The following APBB2 variants were observed in gnomAD, a reference collection of about 807,000 sequenced individuals.
APBB2 encodes the protein Fe65-like 1.
In APBB2, 38 loss-of-function variants were observed where a neutral mutation model predicts 82.5. That is an observed-to-expected ratio of 0.46 (90% CI 0.36 to 0.60). The LOEUF is 0.60. Among genes scored for constraint, APBB2 ranks in the 20% least tolerant of loss-of-function variants. The pLI, the probability that APBB2 is intolerant of heterozygous loss-of-function variation, is 0.00. For synonymous variants in APBB2, 341 were observed against 368.2 expected (o/e 0.93, Z 0.85); for missense variants, 772 against 972.3 (o/e 0.79, Z 2.74).
At chr4:41,184,175 G>A (rs1267099364) in intron 1 of APBB2, among the ~76,000 whole-genome samples, 1 of 152,082 alleles carries the variant, frequency 6.6e-6, no homozygotes, top group African/African-American at 2.4e-5. Flanking sequence ...GAGAGCCATG[G>A]GGAGCGGCTG....
At chr4:40,976,855 C>T (rs2154401108) in intron 6 of APBB2, among the ~76,000 whole-genome samples, 1 of 152,170 alleles carries the variant, frequency 6.6e-6, no homozygotes, top group East Asian at 1.9e-4. Context: ...GCCTGAGCAA[C>T]ATGGGCAACA....
intron 10 of APBB2, among the ~76,000 whole-genome samples, chr4:40,927,391 G>A (rs1304194593): frequency 6.6e-6 from 1 of 152,022 alleles, no homozygotes; most frequent in Non-Finnish European, 1.5e-5. Context: ...ATAACTCTAT[G>A]ACTCATTTTT....
At chr4:41,049,289 G>A (rs1325213153) in intron 4 of APBB2, among the ~76,000 whole-genome samples, 2 of 147,346 alleles carry the variant, frequency 1.4e-5, no homozygotes, top group African/African-American at 5.0e-5. Context: ...CGTCGGAGAA[G>A]TGAGGAGCCC....
chr4:41,117,140 C>G (rs190601377), intron 2 of APBB2, among the ~76,000 whole-genome samples: 97 of 152,160 alleles, frequency 6.4e-4, no homozygotes, highest in Admixed American at 5.0e-3. Flanking sequence ...GCTCACATCA[C>G]AGGTATCACA....
intron 5 of APBB2, among the ~76,000 whole-genome samples, chr4:41,028,515 C>T (rs1715403771): frequency 6.6e-6 from 1 of 152,208 alleles, no homozygotes; most frequent in Non-Finnish European, 1.5e-5. Context: ...ACCTGCCCAG[C>T]ATGACTGTAC....
chr4:40,870,212 T>C (rs1009705703), intron 12 of APBB2, among the ~76,000 whole-genome samples: 2 of 152,162 alleles, frequency 1.3e-5, no homozygotes, highest in African/African-American at 2.4e-5. Flanking sequence ...TCCAGGAATC[T>C]CAACAAGCAG....
chr4:41,111,742 G>A (rs1749266910), intron 2 of APBB2, among the ~76,000 whole-genome samples: 1 of 152,140 alleles, frequency 6.6e-6, no homozygotes, highest in Non-Finnish European at 1.5e-5. Flanking sequence ...ATACTTAAAA[G>A]GACTAGCCTT....
At chr4:41,206,282 C>A (rs1002569237) in intron 1 of APBB2, among the ~76,000 whole-genome samples, 2 of 152,192 alleles carry the variant, frequency 1.3e-5, no homozygotes, top group Non-Finnish European at 2.9e-5. Flanking sequence ...ACAGCTCTTG[C>A]CACTCTCGCA....
intron 10 of APBB2, among the ~76,000 whole-genome samples, chr4:40,928,404 A>G (rs1345817752): frequency 1.5e-5 from 1 of 67,780 alleles, no homozygotes; most frequent in Non-Finnish European, 2.9e-5. Flanking sequence ...ACACACACAC[A>G]CACACACACA....
At chr4:41,042,496 C>T (rs1322385712) in intron 4 of APBB2, among the ~76,000 whole-genome samples, 1 of 152,210 alleles carries the variant, frequency 6.6e-6, no homozygotes, top group Non-Finnish European at 1.5e-5. Context: ...CTGGTCTCAA[C>T]TGTGTTGTTT....
chr4:40,912,935 G>A (rs1778930066), intron 10 of APBB2, among the ~76,000 whole-genome samples: 1 of 152,196 alleles, frequency 6.6e-6, no homozygotes, highest in South Asian at 2.1e-4. Flanking sequence ...TCCCCTGCAG[G>A]AGTCTTGGAA....
At chr4:41,135,169 CA>C (rs5857778) in intron 2 of APBB2, among the ~76,000 whole-genome samples, 66,300 of 99,536 alleles carry the variant, frequency 0.67, 19,968 homozygotes, top group East Asian at 0.91. Context: ...CTTGAGCCCT[CA>C]AAAAAAAAAA....
intron 12 of APBB2, among the ~76,000 whole-genome samples, chr4:40,850,997 C>T (rs1265174418): frequency 3.3e-5 from 5 of 152,114 alleles, no homozygotes; most frequent in Admixed American, 6.5e-5. Context: ...AATCTGCCAA[C>T]CCCTGCTCTA....
intron 1 of APBB2, among the ~76,000 whole-genome samples, chr4:41,172,435 G>A (rs1234938024): frequency 2.0e-5 from 3 of 151,942 alleles, no homozygotes; most frequent in African/African-American, 4.8e-5. Flanking sequence ...CACCAACCTC[G>A]GGGACTAGAC....
chr4:41,175,147 C>A (rs1483879036), intron 1 of APBB2, among the ~76,000 whole-genome samples: 1 of 152,112 alleles, frequency 6.6e-6, no homozygotes, highest in Non-Finnish European at 1.5e-5. Flanking sequence ...GATGGGAATT[C>A]ATTTGTGACA....
intron 12 of APBB2, among the ~76,000 whole-genome samples, chr4:40,871,322 C>T (rs1461465369): frequency 1.3e-5 from 2 of 152,036 alleles, no homozygotes; most frequent in African/African-American, 4.8e-5. Context: ...TTTTTGTATT[C>T]TTAGTAGAGA....
intron 13 of APBB2, among the ~76,000 whole-genome samples, chr4:40,827,971 A>C (rs772458765): frequency 9.2e-5 from 14 of 152,142 alleles, no homozygotes; most frequent in Admixed American, 2.6e-4. Context: ...AGTAAGTCCC[A>C]CAAGAGCTGA....
At chr4:40,995,551 T>A (rs1483372532) in intron 6 of APBB2, among the ~76,000 whole-genome samples, 18 of 151,100 alleles carry the variant, frequency 1.2e-4, no homozygotes, top group African/African-American at 4.4e-4. Context: ...AAAAAAAATT[T>A]TTTTTTTTTT....
At chr4:41,043,588 G>A (rs1347372402) in intron 4 of APBB2, among the ~76,000 whole-genome samples, 2 of 152,204 alleles carry the variant, frequency 1.3e-5, no homozygotes, top group African/African-American at 2.4e-5. Context: ...TTACTACAAA[G>A]AAAACACCCA....
Sources: gnomAD v4.1 joint callset for allele counts (sites outside exome capture counted in the v4.1 genomes callset) on GRCh38, gnomAD v4.1.1 for gene constraint, MANE v1.5 for transcripts, NCBI Gene and HGNC (gene_info 2026-07-23, HGNC 2026-07-21) for gene names.